VPS37B: variants seen among roughly 807,000 people sequenced by gnomAD.
VPS37B encodes the protein VPS37B subunit of ESCRT-I.
VPS37B carries 11 observed loss-of-function variants against 21.2 expected under a neutral mutation model. The observed-to-expected ratio is 0.52, with a 90% CI of 0.33 to 0.86. The LOEUF (loss-of-function observed/expected upper bound fraction) is 0.86. VPS37B is among the 40% of genes least tolerant of loss of function. The pLI, the probability that VPS37B is intolerant of heterozygous loss-of-function variation, is 0.03. For synonymous variants in VPS37B, 175 were observed against 159.6 expected, an observed-to-expected ratio of 1.10 and a Z score of -0.73; for missense variants, 389 against 374.8, an observed-to-expected ratio of 1.04 and a Z score of -0.31.
chr12:122,871,496 T>G, intron 1 of VPS37B: 5 of 988,146 alleles, frequency 5.1e-6, no homozygotes, highest in Non-Finnish European at 6.0e-6. Context: ...TGGCATGATG[T>G]CAATTCAGGC....
chr12:122,878,172 A>C (rs2034186900), intron 1 of VPS37B: 1 of 152,260 alleles, frequency 6.6e-6, no homozygotes, highest in Admixed American at 6.5e-5. Context: ...CACCCCGGCC[A>C]ACATGGTGAA....
intron 2 of VPS37B, among the ~76,000 whole-genome samples, chr12:122,869,239 C>A (rs1185524566): frequency 6.6e-6 from 1 of 152,196 alleles, no homozygotes; most frequent in African/African-American, 2.4e-5. Context: ...AATAAAGATA[C>A]AACATTCTTG....
intron 1 of VPS37B, among the ~76,000 whole-genome samples, chr12:122,893,051 T>G (rs1375022427): frequency 1.8e-5 from 2 of 111,418 alleles, no homozygotes; most frequent in African/African-American, 7.4e-5. Flanking sequence ...CAGAGCAAGA[T>G]CCTTTCTCAA....
chr12:122,895,800 C>T (rs2034483416), intron 1 of VPS37B, 152 bp downstream of exon 1: 1 of 645,098 alleles, frequency 1.6e-6, no homozygotes. Flanking sequence ...GGTTCCCTGG[C>T]TCCCGCACCC....
intron 1 of VPS37B, among the ~76,000 whole-genome samples, chr12:122,892,117 C>A (rs1408826424): frequency 6.6e-6 from 1 of 152,154 alleles, no homozygotes; most frequent in Non-Finnish European, 1.5e-5. Context: ...AAGGCACATT[C>A]CACTGCCATG....
chr12:122,871,229 G>C (rs983884181), intron 1 of VPS37B, 168 bp from the exon 2 acceptor site: 13 of 1,371,984 alleles, frequency 9.5e-6, no homozygotes, highest in South Asian at 1.8e-5. Flanking sequence ...CAAGCCCCTT[G>C]GTTTCTCATT....
At chr12:122,876,009 G>A (rs2034142973) in intron 1 of VPS37B, 1 of 152,100 alleles carries the variant, frequency 6.6e-6, no homozygotes, top group Non-Finnish European at 1.5e-5. Context: ...TCTCTCTGTG[G>A]TAAAGAAACA....
At position 122,866,273 on chromosome 12, in the gene VPS37B, C is replaced by T. The variant is rs2033898511; in HGVS notation, c.*843G>A. 1 of 152,628 alleles carries T rather than the reference C, an allele frequency of 6.6e-6. No homozygotes were observed. The highest frequency in any genetic ancestry group is 2.4e-5 in the African/African-American group (1 of 41,446). The allele number at this position is 152,628 out of a possible 1,614,324, so 9.5% of individuals were successfully genotyped here. A position where few individuals can be genotyped will look rare whatever the true frequency, so the allele number is the denominator to read the frequency against. Reference sequence around the variant, plus strand: ...CATCGGCATTTCGATCTGCTCAAGACAGTATCTGCATTTTTTATAAAATTT... The same window carrying T: ...CATCGGCATTTCGATCTGCTCAAGATAGTATCTGCATTTTTTATAAAATTT... On this transcript the variant is annotated 3_prime_UTR_variant, in exon 4 of 4. Transcript: ENST00000267202.
intron 1 of VPS37B, among the ~76,000 whole-genome samples, chr12:122,892,137 C>T (rs2034421849): frequency 6.6e-6 from 1 of 152,048 alleles, no homozygotes; most frequent in South Asian, 2.1e-4. Context: ...GTAAAAATAA[C>T]TTTAAATAAA....
Position 122,868,596 on chromosome 12 carries a change from G to T in VPS37B, c.284-34C>A. 1 of 1,592,756 alleles carries T rather than the reference G, an allele frequency of 6.3e-7. No individual in the cohort carries two copies. ...AAAGCAAGAGGTATGACAAAAGTGA[G>T]AGGTGTCCAGGTAAAGCCCTTCATG... On this transcript the variant is annotated intron_variant, in intron 2 of 3. Transcript: ENST00000267202. This position sits in a 1 kb window ranked among gnomAD's most constrained non-coding sequence, Gnocchi z 5.5.
chr12:122,868,623 T>C lies in VPS37B; in HGVS notation c.284-61A>G. The C allele has an allele frequency of 7.0e-7, 1 of 1,433,794 alleles. No individual in the cohort carries two copies. Among genetic ancestry groups the C allele is most frequent in the Non-Finnish European group, 9.7e-7 (1 of 1,031,464 alleles). 88.8% of individuals were successfully genotyped at this position (1,433,794 alleles called of 1,614,324 possible). The stretch of plus-strand genomic sequence containing the variant: ...GGTGTCCAGGTAAAGCCCTTCATGA[T>C]GCCAACCACGGCAGGATTGCACCTT... On this transcript the variant is annotated intron_variant, in intron 2 of 3. Transcript: ENST00000267202. The surrounding 1 kb of genome is among the most constrained non-coding windows in gnomAD (Gnocchi z 5.5).
In VPS37B at chr12:122,867,484, G is replaced by C. The variant is rs1308181572; in HGVS notation, c.490C>G (p.Leu164Val). Residue 164 changes from leucine to valine, a missense_variant, in exon 4 of 4, where the codon CTA becomes GTA. Transcript: ENST00000267202. The surrounding 1 kb of genome is among the most constrained non-coding windows in gnomAD (Gnocchi z 5.5). Reference protein sequence around the residue: ...VKIEKLQEMVLKGQRLPQALA... With the variant: ...VKIEKLQEMVVKGQRLPQALA... ...GCCTGTGGGAGTCTCTGCCCCTTTA[G>C]GACCATCTCCTGGAGCTTCTCGATT... 1 of 1,614,030 alleles carries C rather than the reference G, an allele frequency of 6.2e-7. No individual in the cohort carries two copies. Among genetic ancestry groups the C allele is most frequent in the South Asian group, 1.1e-5 (1 of 91,088 alleles).
At chr12:122,895,924 C>A in intron 1 of VPS37B, 28 bp downstream of exon 1, 1 of 1,604,688 alleles carries the variant, frequency 6.2e-7, no homozygotes, top group Non-Finnish European at 8.5e-7. Context: ...GGCCTCACAG[C>A]CGCCGCCTTA....
Position 122,866,851 on chromosome 12 carries a change from C to T in VPS37B, c.*265G>A, listed in dbSNP as rs570005715. The stretch of plus-strand genomic sequence containing the variant: ...TTCTTCCCAAACATGAGTTCATCAA[C>T]GCTAAGATACTTAGAAATCACACGG... On this transcript the variant is annotated 3_prime_UTR_variant, in exon 4 of 4. Coordinates refer to ENST00000267202, the MANE Select transcript of VPS37B (RefSeq NM_024667.3). 9.9e-6 allele frequency: 4 copies of T among 404,106 alleles called. No homozygotes were observed. Among genetic ancestry groups the T allele is most frequent in the South Asian group, 9.5e-5 (1 of 10,572 alleles). The allele number at this position is 404,106 out of a possible 1,614,324, so 25.0% of individuals were successfully genotyped here. A position where few individuals can be genotyped will look rare whatever the true frequency, so the allele number is the denominator to read the frequency against.
chr12:122,892,475 A>G (rs1018291288), intron 1 of VPS37B, among the ~76,000 whole-genome samples: 1 of 151,758 alleles, frequency 6.6e-6, no homozygotes, highest in Non-Finnish European at 1.5e-5. Context: ...GCCTTACTCT[A>G]CAATTTAAAA....
intron 1 of VPS37B, among the ~76,000 whole-genome samples, chr12:122,895,293 C>CTT (rs1430647816): frequency 6.6e-6 from 1 of 151,988 alleles, no homozygotes; most frequent in African/African-American, 2.4e-5. Context: ...CCTCAATCCT[C>CTT]TCCTAAGAGT....
chr12:122,871,841 C>A, intron 1 of VPS37B: 1 of 984,294 alleles, frequency 1.0e-6, no homozygotes, highest in Non-Finnish European at 1.2e-6. Flanking sequence ...CAAAACTTAG[C>A]CAAAGTTTAA....
At position 122,869,722 on chromosome 12, in the gene VPS37B, C is replaced by T. The variant is rs73406940; in HGVS notation, c.284-1160G>A. On this transcript the variant is annotated intron_variant, in intron 2 of 3. Coordinates refer to ENST00000267202, the MANE Select transcript of VPS37B (RefSeq NM_024667.3). The stretch of plus-strand genomic sequence containing the variant: ...CCTTCAGAGTAGGTGGGACTATAGG[C>T]GAGCACCACCACCCCCAGCTTATTT... Among the ~76,000 whole-genome samples the T allele has an allele frequency of 4.8e-3, 733 of 152,186 alleles. 8 individuals carry two copies. The highest frequency in any genetic ancestry group is 0.017 in the African/African-American group (692 of 41,514).
At chr12:122,872,131 T>C in intron 1 of VPS37B, 3 of 985,586 alleles carry the variant, frequency 3.0e-6, no homozygotes, top group Non-Finnish European at 3.6e-6. Context: ...TATAGATTCC[T>C]GGCCATGCTG....
Sources: allele counts gnomAD v4.1 joint callset (sites outside exome capture counted in the v4.1 genomes callset), GRCh38; gene constraint gnomAD v4.1.1; non-coding constraint Gnocchi (gnomAD v3.1); transcripts MANE v1.5; gene names NCBI Gene and HGNC (gene_info 2026-07-23, HGNC 2026-07-21).